Variants in HMGXB3 observed in about 807,000 individuals in gnomAD.
HMGXB3 encodes HMG-box containing 3.
Under a neutral mutation model 121.5 loss-of-function variants are expected in HMGXB3, and 45 were observed. The observed-to-expected ratio is 0.37, with a 90% confidence interval of 0.29 to 0.47. The LOEUF (loss-of-function observed/expected upper bound fraction) is 0.47, where lower values mean the gene tolerates loss of function less well. HMGXB3 is among the 20% of genes least tolerant of loss of function. The probability of loss-of-function intolerance (pLI) is 0.99; values close to 1 mark genes in which losing one functional copy is unlikely to be tolerated. For synonymous variants in HMGXB3, 590 were observed against 624.1 expected, an observed-to-expected ratio of 0.95 and a Z score of 0.81; for missense variants, 1,376 against 1,602.2, an observed-to-expected ratio of 0.86 and a Z score of 2.41.
rs1756240844 is a variant in HMGXB3 at position 150,026,769 on chromosome 5, C to T, written c.1524C>T (p.Pro508=). 6.4e-7 allele frequency: 1 copy of T among 1,551,104 alleles called. No individual in the cohort carries two copies. Among genetic ancestry groups the T allele is most frequent in the Non-Finnish European group, 8.7e-7 (1 of 1,146,828 alleles). ...PELKGRARGK[P]SLLAAARPMR... is the part of the protein sequence containing the mutation. ...TTAAAGGCAGAGCACGGGGCAAGCCCTCATTACTGGCTGCAGCAAGACCCA... is the reference window on the plus strand; with the variant it reads ...TTAAAGGCAGAGCACGGGGCAAGCCTTCATTACTGGCTGCAGCAAGACCCA... Residue 508 remains proline, a synonymous_variant, in exon 8 of 20, where the codon CCC becomes CCT. Coordinates refer to ENST00000502717, the MANE Select transcript of HMGXB3 (RefSeq NM_014983.3).
At position 150,010,151 on chromosome 5, in the gene HMGXB3, T is replaced by C; in HGVS notation, c.353T>C (p.Ile118Thr). 6.4e-7 allele frequency: 1 copy of C among 1,551,714 alleles called. No homozygotes were observed. The highest frequency in any genetic ancestry group is 8.7e-7 in the Non-Finnish European group (1 of 1,146,980). Residue 118 changes from isoleucine to threonine, a missense_variant, in exon 4 of 20, where the codon ATC (isoleucine) becomes ACC (threonine). By Grantham distance (89) the Ile-to-Thr change is moderately conservative. Transcript: ENST00000502717. ...GCACTGACTGCTGTGGTTCCGGACA[T>C]CCCAGGTTTCCGCAAGATCCTCCCA... ...LSALTAVVPD[I>T]PGFRKILPRS...
chr5:150,019,145 A>G (rs1756027209), intron 6 of HMGXB3, among the ~76,000 whole-genome samples: 1 of 152,062 alleles, frequency 6.6e-6, no homozygotes, highest in African/African-American at 2.4e-5. Flanking sequence ...GATATCTCCA[A>G]TACTATAATA....
At chr5:150,034,116 G>A (rs974164894) in intron 11 of HMGXB3, among the ~76,000 whole-genome samples, 1 of 152,186 alleles carries the variant, frequency 6.6e-6, no homozygotes, top group African/African-American at 2.4e-5. Flanking sequence ...ATAAATCCCT[G>A]AAATTGCATG....
chr5:150,042,835 C>T (rs1283123238), intron 15 of HMGXB3, among the ~76,000 whole-genome samples: 9 of 152,064 alleles, frequency 5.9e-5, no homozygotes, highest in Admixed American at 6.5e-5. Flanking sequence ...AACAAATATC[C>T]AAGAAATATT....
At chr5:150,004,256 C>T (rs1195130226) in intron 1 of HMGXB3, among the ~76,000 whole-genome samples, 1 of 152,004 alleles carries the variant, frequency 6.6e-6, no homozygotes. Context: ...TGAGACATGT[C>T]TTTTTTTATA....
intron 5 of HMGXB3, among the ~76,000 whole-genome samples, chr5:150,015,716 ACTT>A (rs1292688276): frequency 6.6e-6 from 1 of 152,154 alleles, no homozygotes; most frequent in Non-Finnish European, 1.5e-5. Context: ...TTTCTAATTT[ACTT>A]CTTTGACCTA....
At chr5:150,018,428 AACACTG>A (rs1399522418) in intron 5 of HMGXB3, 132 bp from the exon 6 acceptor site, 1 of 644,604 alleles carries the variant, frequency 1.6e-6, no homozygotes, top group African/African-American at 1.9e-5. Flanking sequence ...GGACCTTTCC[AACACTG>A]ACCTTTTATG....
intron 5 of HMGXB3, among the ~76,000 whole-genome samples, chr5:150,016,611 TTTAAC>T (rs1329709053): frequency 6.6e-6 from 1 of 152,226 alleles, no homozygotes; most frequent in East Asian, 1.9e-4. Context: ...TTTCCATCCT[TTTAAC>T]TAATTTATAT....
At chr5:150,044,026 G>A (rs534967862) in intron 15 of HMGXB3, among the ~76,000 whole-genome samples, 12 of 152,162 alleles carry the variant, frequency 7.9e-5, no homozygotes, top group African/African-American at 2.9e-4. Flanking sequence ...CCTGGCACCC[G>A]TCCTGTCCCA....
Position 150,050,264 on chromosome 5 carries a change from TC to T in HMGXB3, c.3216del (p.Lys1073SerfsTer28). 6.4e-7 allele frequency: 1 copy of T among 1,551,894 alleles called. No homozygotes were observed. The highest frequency in any genetic ancestry group is 8.7e-7 in the Non-Finnish European group (1 of 1,147,004). ...CTTCATCTCCCAGGTGGTCTGCGGC[TC>T]CAAGTATCTTGTGCGAGGTGAGAGT... Reference protein sequence around the residue: ...KVCPHQVVCGSKYLVRGESAR... With the variant: ...KVCPHQVVCGXKYLVRGESAR... On this transcript the variant is annotated frameshift_variant, in exon 19 of 20. Transcript: ENST00000502717. LOFTEE classifies it high-confidence loss of function.
At chr5:150,019,562 A>G (rs531920943) in intron 6 of HMGXB3, among the ~76,000 whole-genome samples, 1 of 152,346 alleles carries the variant, frequency 6.6e-6, no homozygotes, top group South Asian at 2.1e-4. Context: ...AAGGGCTAAA[A>G]TGGATGGAAG....
chr5:150,024,197 G>T (rs1756166944), intron 6 of HMGXB3, 65 bp from the exon 7 acceptor site: 2 of 1,254,992 alleles, frequency 1.6e-6, no homozygotes, highest in South Asian at 1.6e-5. Context: ...AAAAATGAGA[G>T]AATGTTTGTG....
intron 9 of HMGXB3, among the ~76,000 whole-genome samples, chr5:150,028,541 G>GTGTATA (rs1203886454): frequency 2.0e-3 from 84 of 42,054 alleles, no homozygotes; most frequent in East Asian, 6.4e-3. Flanking sequence ...GTGTGTGTGT[G>GTGTATA]TATATATATA....
At chr5:150,048,029 G>T (rs1756801191) in intron 17 of HMGXB3, among the ~76,000 whole-genome samples, 1 of 152,168 alleles carries the variant, frequency 6.6e-6, no homozygotes, top group Non-Finnish European at 1.5e-5. Flanking sequence ...TGGATAAGCT[G>T]CTTTATATTT....
At chr5:150,048,502 T>G in intron 17 of HMGXB3, 67 bp from the exon 18 acceptor site, 1 of 1,078,322 alleles carries the variant, frequency 9.3e-7, no homozygotes, top group East Asian at 2.6e-5. Context: ...GAGTGTGTGA[T>G]GCTGAGCACC....
At position 150,012,367 on chromosome 5, in the gene HMGXB3, GT is replaced by G; in HGVS notation, c.909+15del. On this transcript the variant is annotated intron_variant, in intron 5 of 19. Coordinates refer to ENST00000502717, the MANE Select transcript of HMGXB3 (RefSeq NM_014983.3). ...TCCATCAAACTGGTCAGTACTGTAT[GT>G]GGGGGATTGATGGCAATTAGGGTGT... 1 of 1,526,300 alleles carries G rather than the reference GT, an allele frequency of 6.6e-7. No individual in the cohort carries two copies. Among genetic ancestry groups the G allele is most frequent in the Non-Finnish European group, 8.9e-7 (1 of 1,123,574 alleles). The allele number at this position is 1,526,300 out of a possible 1,614,324, so 94.5% of individuals were successfully genotyped here. A position where few individuals can be genotyped will look rare whatever the true frequency, so the allele number is the denominator to read the frequency against.
chr5:150,040,467 C>T (rs1450274922), intron 13 of HMGXB3, among the ~76,000 whole-genome samples: 1 of 152,044 alleles, frequency 6.6e-6, no homozygotes, highest in African/African-American at 2.4e-5. Flanking sequence ...TGGGCTCAAG[C>T]GATCCTCCCA....
Position 150,051,841 on chromosome 5 carries a change from C to G in HMGXB3, c.3528C>G (p.Gly1176=). The change falls in exon 20 of 20, where the codon GGC becomes GGG. Residue 1176 remains glycine, a synonymous_variant. Coordinates refer to ENST00000502717, the MANE Select transcript of HMGXB3 (RefSeq NM_014983.3). The part of the protein sequence containing the change: ...KTATRRIVHA[G]LQPNPGDPSA... ...CCACGCGGCGCATCGTCCATGCAGGCCTACAGCCCAATCCTGGTGACCCCA... is the reference window on the plus strand; with the variant it reads ...CCACGCGGCGCATCGTCCATGCAGGGCTACAGCCCAATCCTGGTGACCCCA... 6.4e-7 allele frequency: 1 copy of G among 1,550,552 alleles called. No homozygotes were observed. The highest frequency in any genetic ancestry group is 8.7e-7 in the Non-Finnish European group (1 of 1,147,088).
chr5:150,031,874 G>T (rs1756390852), intron 10 of HMGXB3, among the ~76,000 whole-genome samples: 1 of 152,044 alleles, frequency 6.6e-6, no homozygotes, highest in Admixed American at 6.6e-5. Context: ...TTATCCTGGA[G>T]ATCTGCTCAG....
Sources: allele counts gnomAD v4.1 joint callset (sites outside exome capture counted in the v4.1 genomes callset), GRCh38; gene constraint gnomAD v4.1.1; transcripts MANE v1.5; gene names NCBI Gene and HGNC (gene_info 2026-07-23, HGNC 2026-07-21).